The following TMEM272 variants were observed in gnomAD, a reference collection of about 807,000 sequenced individuals.
The protein encoded by TMEM272 is long intergenic non-protein coding RNA 282.
A neutral mutation model predicts 3.7 loss-of-function variants in TMEM272; 8 were observed. The ratio of observed to expected loss-of-function variants is 2.17; its 90% CI spans 1.27 to 3.91. The LOEUF is 3.91. Ranked by LOEUF, TMEM272 falls within the 30% of genes most tolerant of loss-of-function variation. The pLI, the probability that TMEM272 is intolerant of heterozygous loss-of-function variation, is 0.00. For synonymous variants in TMEM272, 63 were observed against 39.8 expected (o/e 1.58, Z -2.20); for missense variants, 166 against 91.5 (o/e 1.81, Z -3.32).
the TMEM272 span, among the ~76,000 whole-genome samples, chr13:51,885,099 C>T: frequency 6.6e-6 from 1 of 152,170 alleles, no homozygotes; most frequent in African/African-American, 2.4e-5. Context: ...GAGCACCTGA[C>T]CCATTTCTGT....
At chr13:51,861,096 A>G in the TMEM272 span, among the ~76,000 whole-genome samples, 1 of 152,160 alleles carries the variant, frequency 6.6e-6, no homozygotes, top group African/African-American at 2.4e-5. Flanking sequence ...ACAGAAAGAA[A>G]AATGCTGCAC....
the TMEM272 span, among the ~76,000 whole-genome samples, chr13:51,888,633 C>CT: frequency 8.3e-6 from 1 of 120,110 alleles, no homozygotes; most frequent in African/African-American, 3.0e-5. Flanking sequence ...TTTCTTTTTT[C>CT]TTTTTCTTTT....
In TMEM272 at chr13:51,816,077, T is replaced by C. The variant is rs532799224; in HGVS notation, c.*674A>G. On this transcript the variant is annotated 3_prime_UTR_variant, in exon 5 of 5. Coordinates refer to ENST00000629372, the MANE Select transcript of TMEM272 (RefSeq NM_001351003.2). ...GCACACGGTGCACACGGCGCTGCAC[T>C]CCGCAATGCCTGTAGCAGGCCAGCC... 1.2e-4 allele frequency: 19 copies of C among 152,790 alleles called. No homozygotes were observed. The highest frequency in any genetic ancestry group is 3.6e-4 in the African/African-American group (15 of 41,584). The allele number at this position is 152,790 out of a possible 1,614,324, so 9.5% of individuals were successfully genotyped here.
the TMEM272 span, among the ~76,000 whole-genome samples, chr13:51,884,908 GA>G: frequency 6.6e-6 from 1 of 152,220 alleles, no homozygotes; most frequent in African/African-American, 2.4e-5. Flanking sequence ...TTTGTAAAAT[GA>G]GGAAGTTATA....
chr13:51,841,466 A>AT (rs1956263132), intron 1 of TMEM272, among the ~76,000 whole-genome samples: 1 of 152,224 alleles, frequency 6.6e-6, no homozygotes, highest in Admixed American at 6.5e-5. Context: ...TGCAGAAACT[A>AT]ACGAGATGGG....
chr13:51,891,861 G>A, the TMEM272 span, among the ~76,000 whole-genome samples: 16 of 152,156 alleles, frequency 1.1e-4, no homozygotes, highest in Non-Finnish European at 1.6e-4. Context: ...GGGCAGTGGG[G>A]GTTGGAGGGG....
chr13:51,901,242 C>T, the TMEM272 span, among the ~76,000 whole-genome samples: 7 of 152,158 alleles, frequency 4.6e-5, no homozygotes, highest in Non-Finnish European at 5.9e-5. Context: ...TGGGTCCACA[C>T]ACACTTTAAT....
At chr13:51,853,600 C>T in the TMEM272 span, among the ~76,000 whole-genome samples, 5 of 152,144 alleles carry the variant, frequency 3.3e-5, 1 homozygote, top group South Asian at 4.1e-4. Flanking sequence ...GTGGACCTCA[C>T]TGTTCACACC....
At chr13:51,857,436 C>CA in the TMEM272 span, among the ~76,000 whole-genome samples, 1 of 151,840 alleles carries the variant, frequency 6.6e-6, no homozygotes, top group Non-Finnish European at 1.5e-5. Flanking sequence ...TGTTGACTAG[C>CA]AAAATCTTGA....
upstream of TMEM272, among the ~76,000 whole-genome samples, chr13:51,849,964 G>A (rs1234383479): frequency 2.6e-5 from 4 of 152,152 alleles, no homozygotes; most frequent in South Asian, 2.1e-4. Flanking sequence ...GCCCGTGACC[G>A]AGCACTTTAG....
chr13:51,911,993 C>A, the TMEM272 span, among the ~76,000 whole-genome samples: 1 of 152,096 alleles, frequency 6.6e-6, no homozygotes, highest in African/African-American at 2.4e-5. Context: ...TTCGGGCACC[C>A]ACATGGCCAC....
At chr13:51,819,864 A>G (rs1230694952) in intron 4 of TMEM272, among the ~76,000 whole-genome samples, 1 of 152,108 alleles carries the variant, frequency 6.6e-6, no homozygotes, top group Non-Finnish European at 1.5e-5. Context: ...TCTTTTGGAA[A>G]CTGTCTTTTA....
chr13:51,902,578 G>A, the TMEM272 span, among the ~76,000 whole-genome samples: 4 of 152,182 alleles, frequency 2.6e-5, no homozygotes, highest in Non-Finnish European at 5.9e-5. Context: ...ATGGTTAGAG[G>A]GACTGAGCAT....
upstream of TMEM272, among the ~76,000 whole-genome samples, chr13:51,848,157 G>C (rs1329033469): frequency 6.6e-6 from 1 of 152,196 alleles, no homozygotes; most frequent in African/African-American, 2.4e-5. Context: ...TCGTGGTGGA[G>C]TAACCCAGAG....
the TMEM272 span, among the ~76,000 whole-genome samples, chr13:51,875,640 A>G: frequency 3.3e-5 from 5 of 152,070 alleles, no homozygotes; most frequent in East Asian, 1.9e-4. Flanking sequence ...CCCAGGGGTT[A>G]TTTCTTCACC....
the TMEM272 span, among the ~76,000 whole-genome samples, chr13:51,873,265 T>C: frequency 2.0e-5 from 3 of 152,186 alleles, no homozygotes; most frequent in African/African-American, 7.2e-5. Context: ...CAAAGAGTTG[T>C]GCAGGAAAGG....
chr13:51,866,026 C>G, the TMEM272 span: 1 of 1,608,658 alleles, frequency 6.2e-7, no homozygotes, highest in South Asian at 1.1e-5. Flanking sequence ...AAGATGGGCC[C>G]CACAACGCCA....
At chr13:51,895,961 G>C in the TMEM272 span, among the ~76,000 whole-genome samples, 1 of 152,120 alleles carries the variant, frequency 6.6e-6, no homozygotes, top group Non-Finnish European at 1.5e-5. Flanking sequence ...GTAACCACAA[G>C]CCTCTTCTAA....
At chr13:51,863,672 GACACACACACACAC>G in the TMEM272 span, among the ~76,000 whole-genome samples, 1 of 134,298 alleles carries the variant, frequency 7.4e-6, no homozygotes, top group Non-Finnish European at 1.6e-5. Flanking sequence ...CGCGCACACA[GACACACACACACAC>G]ACACACACAC....
Sources: allele counts gnomAD v4.1 joint callset (sites outside exome capture counted in the v4.1 genomes callset), GRCh38; gene constraint gnomAD v4.1.1; transcripts MANE v1.5; gene names NCBI Gene and HGNC (gene_info 2026-07-23, HGNC 2026-07-21).